The following CERS6 variants were observed in gnomAD, a reference collection of about 807,000 sequenced individuals.
CERS6 encodes ceramide synthase 6, also known as LAG1 homolog, ceramide synthase 6.
In CERS6, 26 loss-of-function variants were observed where a neutral mutation model predicts 56.8. That is an observed-to-expected ratio of 0.46 (90% CI 0.34 to 0.63). The LOEUF (loss-of-function observed/expected upper bound fraction) is 0.63. CERS6 is among the 30% of genes least tolerant of loss of function. The probability of loss-of-function intolerance (pLI) is 0.01; values close to 1 mark genes in which losing one functional copy is unlikely to be tolerated. For synonymous variants in CERS6, 164 were observed against 173.3 expected (o/e 0.95, Z 0.42); for missense variants, 415 against 467.5 (o/e 0.89, Z 1.04).
intron 1 of CERS6, among the ~76,000 whole-genome samples, chr2:168,510,843 A>C (rs746431596): frequency 6.6e-6 from 1 of 152,190 alleles, no homozygotes; most frequent in Non-Finnish European, 1.5e-5. Context: ...CAATAAAATA[A>C]AGATAAAATT....
chr2:168,634,086 C>T (rs1574437), intron 4 of CERS6, among the ~76,000 whole-genome samples: 78,399 of 151,992 alleles, frequency 0.52, 23,769 homozygotes, highest in Middle Eastern at 0.71. Flanking sequence ...CTATTCTACC[C>T]TAAAAAATAG....
intron 4 of CERS6, among the ~76,000 whole-genome samples, chr2:168,650,585 A>C (rs1237868662): frequency 2.0e-5 from 3 of 152,174 alleles, no homozygotes. Context: ...TGCAACTTGA[A>C]GTACTCTCCC....
intron 1 of CERS6, among the ~76,000 whole-genome samples, chr2:168,475,664 T>C (rs180751756): frequency 1.3e-5 from 2 of 152,288 alleles, no homozygotes; most frequent in Admixed American, 1.3e-4. Flanking sequence ...AGGGTTTGAA[T>C]TGGGAAACCG....
intron 3 of CERS6, among the ~76,000 whole-genome samples, chr2:168,602,964 A>C (rs534906287): frequency 7.2e-5 from 11 of 152,364 alleles, no homozygotes; most frequent in African/African-American, 2.6e-4. Flanking sequence ...CCATGAACTT[A>C]ACATTTTGTG....
chr2:168,740,750 C>T (rs569474943), intron 8 of CERS6, among the ~76,000 whole-genome samples: 1 of 152,306 alleles, frequency 6.6e-6, no homozygotes, highest in East Asian at 1.9e-4. Context: ...ATCTGGATGA[C>T]CACCTTCTGA....
intron 1 of CERS6, among the ~76,000 whole-genome samples, chr2:168,462,574 T>A (rs1457009547): frequency 6.6e-6 from 1 of 152,230 alleles, no homozygotes; most frequent in Non-Finnish European, 1.5e-5. Flanking sequence ...GGACAGGGCT[T>A]CACTCCGTTG....
intron 1 of CERS6, among the ~76,000 whole-genome samples, chr2:168,502,572 A>T (rs13418389): frequency 0.097 from 14,762 of 152,238 alleles, 1,485 homozygotes; most frequent in African/African-American, 0.25. Context: ...GGAGTCTGAA[A>T]GGCATCCAAG....
intron 3 of CERS6, among the ~76,000 whole-genome samples, chr2:168,566,532 A>G (rs1695886787): frequency 6.6e-6 from 1 of 152,210 alleles, no homozygotes; most frequent in South Asian, 2.1e-4. Context: ...TGAAAAATGA[A>G]TGGGTTAACC....
At chr2:168,645,289 T>C (rs1685171530) in intron 4 of CERS6, among the ~76,000 whole-genome samples, 1 of 149,598 alleles carries the variant, frequency 6.7e-6, no homozygotes, top group African/African-American at 2.4e-5. Context: ...GACTACTCAC[T>C]AACTGGCAAA....
chr2:168,493,419 C>G (rs942363781), intron 1 of CERS6, among the ~76,000 whole-genome samples: 4 of 152,092 alleles, frequency 2.6e-5, no homozygotes, highest in Non-Finnish European at 5.9e-5. Context: ...ACTAACTAGC[C>G]CAGGGTTGAA....
intron 3 of CERS6, among the ~76,000 whole-genome samples, chr2:168,610,243 C>T (rs972328702): frequency 2.6e-5 from 4 of 152,114 alleles, no homozygotes; most frequent in African/African-American, 9.7e-5. Flanking sequence ...TCCCAAAGTG[C>T]TGGGATTACA....
At chr2:168,741,373 TAAAAAAA>T (rs200311434) in intron 8 of CERS6, among the ~76,000 whole-genome samples, 7 of 147,112 alleles carry the variant, frequency 4.8e-5, no homozygotes, top group African/African-American at 1.0e-4. Context: ...TTTGGAGAAT[TAAAAAAA>T]AAAAAAAAAA....
At chr2:168,460,800 T>C (rs10164990) in intron 1 of CERS6, among the ~76,000 whole-genome samples, 4,272 of 152,086 alleles carry the variant, frequency 0.028, 197 homozygotes, top group African/African-American at 0.097. Flanking sequence ...TGTCATCCTT[T>C]GGGAGGCTGA....
At chr2:168,560,246 C>T (rs894658348) in intron 2 of CERS6, among the ~76,000 whole-genome samples, 19 of 152,132 alleles carry the variant, frequency 1.2e-4, no homozygotes, top group African/African-American at 4.1e-4. Context: ...AAGATCTGCC[C>T]CCATGATTTA....
At chr2:168,552,559 C>G (rs757542042) in intron 2 of CERS6, among the ~76,000 whole-genome samples, 2 of 152,016 alleles carry the variant, frequency 1.3e-5, no homozygotes, top group Non-Finnish European at 2.9e-5. Context: ...TCTGGAGGGC[C>G]GTGTGGGGGT....
At chr2:168,615,127 A>G (rs1574101952) in intron 3 of CERS6, among the ~76,000 whole-genome samples, 1 of 152,118 alleles carries the variant, frequency 6.6e-6, no homozygotes, top group African/African-American at 2.4e-5. Context: ...GACAGTCACT[A>G]CAACTTGGCT....
intron 3 of CERS6, among the ~76,000 whole-genome samples, chr2:168,612,412 G>C (rs911074994): frequency 2.6e-5 from 4 of 152,204 alleles, no homozygotes; most frequent in African/African-American, 9.6e-5. Flanking sequence ...TTCTTGGGAG[G>C]TGGAGACCAG....
At chr2:168,621,705 T>C (rs1684474731) in intron 3 of CERS6, among the ~76,000 whole-genome samples, 2 of 152,086 alleles carry the variant, frequency 1.3e-5, no homozygotes, top group African/African-American at 4.8e-5. Context: ...AAGAACAATA[T>C]GGGCTAGCTG....
chr2:168,551,503 T>G (rs897326061), intron 2 of CERS6, among the ~76,000 whole-genome samples: 1 of 152,226 alleles, frequency 6.6e-6, no homozygotes, highest in Non-Finnish European at 1.5e-5. Context: ...GTAAAAATCT[T>G]TGAATAACCG....
Sources: allele counts gnomAD v4.1 joint callset (sites outside exome capture counted in the v4.1 genomes callset), GRCh38; gene constraint gnomAD v4.1.1; transcripts MANE v1.5; gene names NCBI Gene and HGNC (gene_info 2026-07-23, HGNC 2026-07-21).